Variants in MTAP observed in about 807,000 individuals in gnomAD.
The protein encoded by MTAP is methylthioadenosine phosphorylase, also known as S-methyl-5'-thioadenosine phosphorylase.
A neutral mutation model predicts 33.6 loss-of-function variants in MTAP; 33 were observed. The observed-to-expected ratio is 0.98, with a 90% CI of 0.74 to 1.31. The LOEUF is 1.31. MTAP is among the 40% of genes most tolerant of loss of function. The pLI, the probability that MTAP is intolerant of heterozygous loss-of-function variation, is 0.00. For missense variants in MTAP, 367 were observed against 360.0 expected, an observed-to-expected ratio of 1.02 and a Z score of -0.16; for synonymous variants, 148 against 125.7, an observed-to-expected ratio of 1.18 and a Z score of -1.19.
At position 21,859,293 on chromosome 9, in the gene MTAP, G is replaced by C. The variant is rs759889524; in HGVS notation, c.691-10G>C. On this transcript the variant is annotated splice_polypyrimidine_tract_variant and intron_variant, in intron 6 of 7. Transcript: ENST00000644715. ...AGTTCTAGTAACCTCCAGTGCTATTGTTTCTCTAGGTTTCGGTGGACCGGG... is the reference window on the plus strand; with the variant it reads ...AGTTCTAGTAACCTCCAGTGCTATTCTTTCTCTAGGTTTCGGTGGACCGGG... The C allele has an allele frequency of 6.2e-7, 1 of 1,602,484 alleles. No individual in the cohort carries two copies. Among genetic ancestry groups the C allele is most frequent in the South Asian group, 1.1e-5 (1 of 89,000 alleles).
At chr9:21,844,699 T>A (rs1166313786) in intron 5 of MTAP, among the ~76,000 whole-genome samples, 1 of 152,144 alleles carries the variant, frequency 6.6e-6, no homozygotes, top group Non-Finnish European at 1.5e-5. Flanking sequence ...ATTAAAACCC[T>A]CAGCAAAATT....
chr9:21,808,605 A>AACAC (rs567662513), intron 1 of MTAP, among the ~76,000 whole-genome samples: 1 of 146,914 alleles, frequency 6.8e-6, no homozygotes, highest in Non-Finnish European at 1.5e-5. Context: ...AAAAAAAAAA[A>AACAC]ACACACACAC....
intron 6 of MTAP, chr9:21,856,078 T>G (rs1587251640): frequency 1.2e-6 from 1 of 813,108 alleles, no homozygotes; most frequent in East Asian, 1.2e-4. Flanking sequence ...TTTTCACCTC[T>G]TTCTCTTTTT....
chr9:21,816,022 G>A (rs1349211615), intron 2 of MTAP, among the ~76,000 whole-genome samples: 4 of 152,148 alleles, frequency 2.6e-5, no homozygotes, highest in South Asian at 2.1e-4. Flanking sequence ...CCTTTTATAG[G>A]AGAGGTTGCT....
intron 1 of MTAP, among the ~76,000 whole-genome samples, chr9:21,906,681 C>A (rs1818483938): frequency 6.6e-6 from 1 of 152,024 alleles, no homozygotes; most frequent in Non-Finnish European, 1.5e-5. Context: ...AAGTAAGTTC[C>A]AAGCTGGAGG....
At chr9:21,855,172 T>C (rs1248379647) in intron 6 of MTAP, among the ~76,000 whole-genome samples, 2 of 152,214 alleles carry the variant, frequency 1.3e-5, no homozygotes, top group Non-Finnish European at 1.5e-5. Context: ...TGCCAATTTC[T>C]GCTGCTATGC....
chr9:21,851,794 G>A (rs1167459419), intron 5 of MTAP, among the ~76,000 whole-genome samples: 1 of 152,148 alleles, frequency 6.6e-6, no homozygotes, highest in Non-Finnish European at 1.5e-5. Flanking sequence ...AGCATGGCTA[G>A]GATATAAGCA....
intron 1 of MTAP, among the ~76,000 whole-genome samples, chr9:21,891,578 C>G (rs1818201356): frequency 6.6e-6 from 1 of 151,906 alleles, no homozygotes; most frequent in African/African-American, 2.4e-5. Context: ...TCAACTCAGA[C>G]AAAAATAAAA....
intron 5 of MTAP, among the ~76,000 whole-genome samples, chr9:21,848,196 C>A (rs558915412): frequency 2.0e-5 from 3 of 152,106 alleles, no homozygotes; most frequent in African/African-American, 4.8e-5. Flanking sequence ...AGGAGCCACC[C>A]CTAAGACTCC....
intron 5 of MTAP, among the ~76,000 whole-genome samples, chr9:21,853,282 G>A (rs1167120373): frequency 4.0e-5 from 6 of 151,684 alleles, no homozygotes; most frequent in African/African-American, 1.5e-4. Flanking sequence ...GGCTTGTTAT[G>A]TCTTAACTTT....
chr9:21,916,232 G>T (rs371991847), intron 1 of MTAP, among the ~76,000 whole-genome samples: 1 of 152,148 alleles, frequency 6.6e-6, no homozygotes, highest in East Asian at 1.9e-4. Context: ...TTGGAAATAG[G>T]TTCTTTGCAG....
chr9:21,918,297 C>T (rs1818727285), intron 1 of MTAP, among the ~76,000 whole-genome samples: 1 of 108,444 alleles, frequency 9.2e-6, no homozygotes, highest in African/African-American at 5.2e-5. Context: ...TTGCAGTGAG[C>T]AGAGATCCCG....
chr9:21,892,449 A>G (rs1316942754), intron 1 of MTAP: 1 of 152,192 alleles, frequency 6.6e-6, no homozygotes, highest in Non-Finnish European at 1.5e-5. Flanking sequence ...AAGGAAAAAC[A>G]GAGAGAAGAG....
intron 1 of MTAP, among the ~76,000 whole-genome samples, chr9:21,873,615 C>G (rs1476340311): frequency 9.3e-6 from 1 of 107,912 alleles, no homozygotes; most frequent in Non-Finnish European, 1.7e-5. Context: ...CCCCCGCCCC[C>G]CACCCCAAGA....
intron 4 of MTAP, among the ~76,000 whole-genome samples, chr9:21,828,412 GC>G: frequency 6.6e-6 from 1 of 152,268 alleles, no homozygotes; most frequent in South Asian, 2.1e-4. Context: ...AGTGGCTCAC[GC>G]CTGTAATCCC....
intron 1 of MTAP, among the ~76,000 whole-genome samples, chr9:21,894,554 A>C (rs1818256390): frequency 7.1e-6 from 1 of 140,110 alleles, no homozygotes; most frequent in Non-Finnish European, 1.5e-5. Flanking sequence ...CAATGAGAAC[A>C]CTTGGACACA....
downstream of MTAP, among the ~76,000 whole-genome samples, chr9:21,868,991 C>T (rs1195559831): frequency 1.3e-5 from 2 of 152,148 alleles, no homozygotes; most frequent in Non-Finnish European, 2.9e-5. Context: ...TCTCCCTGAT[C>T]ATTGTCTTAT....
downstream of MTAP, chr9:21,932,122 C>T (rs1818970274): frequency 6.6e-6 from 1 of 152,200 alleles, no homozygotes. Context: ...CTTCTTCCCT[C>T]AATTGAAACC....
intron 1 of MTAP, among the ~76,000 whole-genome samples, chr9:21,913,699 A>G (rs1818625127): frequency 1.3e-5 from 2 of 152,214 alleles, no homozygotes; most frequent in South Asian, 2.1e-4. Context: ...AGGCAATACA[A>G]TTCAGGACAT....
Sources: gnomAD v4.1 joint callset for allele counts (sites outside exome capture counted in the v4.1 genomes callset) on GRCh38, gnomAD v4.1.1 for gene constraint, MANE v1.5 for transcripts, NCBI Gene and HGNC (gene_info 2026-07-23, HGNC 2026-07-21) for gene names.